TBC1D23: variants seen among roughly 807,000 people sequenced by gnomAD.
TBC1D23 encodes the protein TBC1 domain family member 23, also known as HCV non-structural protein 4A-transactivated protein 1.
A neutral mutation model predicts 91.4 loss-of-function variants in TBC1D23; 55 were observed. The ratio of observed to expected loss-of-function variants is 0.60; its 90% confidence interval spans 0.48 to 0.75. The LOEUF is 0.75. TBC1D23 is among the 30% of genes least tolerant of loss of function. TBC1D23 has a pLI of 0.00. For missense variants in TBC1D23, 725 were observed against 836.1 expected (o/e 0.87, Z 1.64); for synonymous variants, 289 against 281.0 (o/e 1.03, Z -0.28).
At chr3:100,263,615 G>C (rs1200572829) in intron 1 of TBC1D23, among the ~76,000 whole-genome samples, 3 of 152,216 alleles carry the variant, frequency 2.0e-5, no homozygotes, top group Non-Finnish European at 2.9e-5. Context: ...TGGAAAAATA[G>C]TAAAAAAGTT....
chr3:100,267,699 C>A (rs1049997935), intron 1 of TBC1D23, among the ~76,000 whole-genome samples: 2 of 152,166 alleles, frequency 1.3e-5, no homozygotes, highest in Non-Finnish European at 2.9e-5. Context: ...CTGTGAGTAT[C>A]ATGTTGGTGC....
intron 11 of TBC1D23, 143 bp downstream of exon 11, chr3:100,302,380 CAT>C (rs1705449020): frequency 3.5e-6 from 2 of 578,648 alleles, no homozygotes; most frequent in Admixed American, 4.0e-5. Context: ...AGATTTTTCT[CAT>C]ATGCTTATAT....
intron 8 of TBC1D23, among the ~76,000 whole-genome samples, chr3:100,297,560 G>A (rs1182880946): frequency 6.6e-6 from 1 of 152,112 alleles, no homozygotes; most frequent in East Asian, 1.9e-4. Context: ...CTGTGGATCA[G>A]TATTTTAACT....
In TBC1D23 at chr3:100,261,041, C is replaced by A. The variant is rs745576078; in HGVS notation, c.23C>A (p.Pro8Gln). MAEGEDV[P>Q]PLPTSSGDGW... ...GCAATGGCGGAAGGAGAAGATGTGC[C>A]GCCGCTGCCAACGTCGAGCGGCGAC... The change falls in exon 1 of 19, where the codon CCG (proline) becomes CAG (glutamine). Residue 8 changes from proline to glutamine, a missense_variant. Transcript: ENST00000394144. 3 of 1,614,056 alleles carry A rather than the reference C, an allele frequency of 1.9e-6. No individual in the cohort carries two copies. Among genetic ancestry groups the A allele is most frequent in the Non-Finnish European group, 2.5e-6 (3 of 1,179,942 alleles).
chr3:100,273,423 G>A (rs978691804), intron 1 of TBC1D23, among the ~76,000 whole-genome samples: 4 of 152,136 alleles, frequency 2.6e-5, no homozygotes, highest in Admixed American at 1.3e-4. Context: ...GTAACAATCT[G>A]ATCTCTCTTT....
chr3:100,320,769 G>T lies in TBC1D23; in HGVS notation c.1824-8G>T, dbSNP rs1220470594. 5.6e-6 allele frequency: 8 copies of T among 1,433,538 alleles called. No homozygotes were observed. The highest frequency in any genetic ancestry group is 5.1e-5 in the East Asian group (2 of 39,092). 88.8% of individuals were successfully genotyped at this position (1,433,538 alleles called of 1,614,324 possible). ...TTCTTTTTCTTTTAATGCTTTTTTTGTCTCAAGTCATCTGTTGGTTACTGC... is the reference window on the plus strand; with the variant it reads ...TTCTTTTTCTTTTAATGCTTTTTTTTTCTCAAGTCATCTGTTGGTTACTGC... On this transcript the variant is annotated splice_region_variant and splice_polypyrimidine_tract_variant and intron_variant, in intron 17 of 18. Transcript: ENST00000394144.
intron 5 of TBC1D23, among the ~76,000 whole-genome samples, chr3:100,293,971 A>G: frequency 6.6e-6 from 1 of 152,256 alleles, no homozygotes; most frequent in South Asian, 2.1e-4. Context: ...GTGAGAATTT[A>G]AGTAAGAGAT....
At chr3:100,303,041 T>C (rs540645663) in intron 11 of TBC1D23, among the ~76,000 whole-genome samples, 1 of 152,370 alleles carries the variant, frequency 6.6e-6, no homozygotes, top group African/African-American at 2.4e-5. Context: ...TGTTTAAATA[T>C]TGTCTTCAAC....
chr3:100,269,238 C>T (rs1200561346), intron 1 of TBC1D23, among the ~76,000 whole-genome samples: 2 of 152,166 alleles, frequency 1.3e-5, no homozygotes, highest in Non-Finnish European at 2.9e-5. Context: ...TTACTTGGCT[C>T]AAGATCCTGA....
intron 1 of TBC1D23, among the ~76,000 whole-genome samples, chr3:100,262,966 C>A (rs138993630): frequency 6.6e-6 from 1 of 152,038 alleles, no homozygotes; most frequent in African/African-American, 2.4e-5. Flanking sequence ...AGTGCAGAAT[C>A]AGATTAAGAG....
intron 13 of TBC1D23, among the ~76,000 whole-genome samples, chr3:100,307,939 A>G (rs1212100887): frequency 2.6e-5 from 4 of 152,210 alleles, no homozygotes; most frequent in African/African-American, 4.8e-5. Context: ...AGACTTCTGC[A>G]TTATTATCAA....
At position 100,281,850 on chromosome 3, in the gene TBC1D23, A is replaced by G. The variant is rs2067697952; in HGVS notation, c.271+3A>G. 6.3e-7 allele frequency: 1 copy of G among 1,577,072 alleles called. No individual in the cohort carries two copies. On this transcript the variant is annotated splice_donor_region_variant and intron_variant, in intron 3 of 18. Transcript: ENST00000394144. ...CAAAGATTGCCTGCAGTTTATTGGTAAGCTGAATAATCACTTTCAAGCAGA... is the reference window on the plus strand; with the variant it reads ...CAAAGATTGCCTGCAGTTTATTGGTGAGCTGAATAATCACTTTCAAGCAGA...
chr3:100,306,744 T>A (rs1435683574), intron 13 of TBC1D23, among the ~76,000 whole-genome samples: 1 of 147,624 alleles, frequency 6.8e-6, no homozygotes, highest in African/African-American at 2.7e-5. Flanking sequence ...ACAGCAAGCC[T>A]TCACAGTTAA....
intron 16 of TBC1D23, among the ~76,000 whole-genome samples, chr3:100,318,121 A>C (rs1037292125): frequency 6.6e-6 from 1 of 152,032 alleles, no homozygotes; most frequent in Non-Finnish European, 1.5e-5. Flanking sequence ...GAGGAGATAC[A>C]TGAGAGTTTC....
intron 10 of TBC1D23, among the ~76,000 whole-genome samples, chr3:100,300,561 T>C (rs1052358656): frequency 6.6e-6 from 1 of 150,704 alleles, no homozygotes; most frequent in African/African-American, 2.4e-5. Context: ...GAGTACAGTG[T>C]TATGATCTTG....
chr3:100,319,307 G>A (rs569104003), intron 17 of TBC1D23, 103 bp downstream of exon 17: 1 of 923,730 alleles, frequency 1.1e-6, no homozygotes, highest in Admixed American at 2.5e-5. Context: ...AGTACAATAA[G>A]ATATAATTCC....
chr3:100,274,645 G>T (rs143538640), intron 1 of TBC1D23, among the ~76,000 whole-genome samples: 110 of 151,650 alleles, frequency 7.3e-4, no homozygotes, highest in African/African-American at 2.5e-3. Context: ...GCATTGTATA[G>T]TATTTGTCTT....
intron 1 of TBC1D23, among the ~76,000 whole-genome samples, chr3:100,276,348 A>T (rs1473004889): frequency 2.0e-5 from 3 of 151,986 alleles, no homozygotes; most frequent in Non-Finnish European, 4.4e-5. Flanking sequence ...AATTTTAGGA[A>T]CACAATATAT....
At chr3:100,300,492 G>A (rs1025996686) in intron 10 of TBC1D23, among the ~76,000 whole-genome samples, 1 of 143,646 alleles carries the variant, frequency 7.0e-6, no homozygotes, top group Non-Finnish European at 1.5e-5. Flanking sequence ...ATGAATACTT[G>A]AATTAATTTT....
Sources: allele counts gnomAD v4.1 joint callset (sites outside exome capture counted in the v4.1 genomes callset), GRCh38; gene constraint gnomAD v4.1.1; transcripts MANE v1.5; gene names NCBI Gene and HGNC (gene_info 2026-07-23, HGNC 2026-07-21).